The following AGTPBP1 variants were observed in gnomAD, a reference collection of about 807,000 sequenced individuals.
The protein encoded by AGTPBP1 is ATP/GTP binding carboxypeptidase 1, also known as cytosolic carboxypeptidase 1.
A neutral mutation model predicts 143.9 loss-of-function variants in AGTPBP1; 70 were observed. The observed-to-expected ratio is 0.49, with a 90% CI of 0.40 to 0.59. The LOEUF (loss-of-function observed/expected upper bound fraction) is 0.59, where lower values mean the gene tolerates loss of function less well. Among genes scored for constraint, AGTPBP1 ranks in the 20% least tolerant of loss-of-function variants. The pLI is 0.00. For synonymous variants in AGTPBP1, 463 were observed against 500.2 expected (o/e 0.93, Z 0.99); for missense variants, 1,229 against 1,464.5 (o/e 0.84, Z 2.62).
chr9:85,631,710 A>T (rs912104049), intron 14 of AGTPBP1, among the ~76,000 whole-genome samples: 7 of 152,224 alleles, frequency 4.6e-5, no homozygotes, highest in African/African-American at 1.7e-4. Context: ...GTCTAAAGAG[A>T]ATCAAATACA....
upstream of AGTPBP1, chr9:85,742,024 G>C: frequency 4.2e-6 from 5 of 1,200,000 alleles, no homozygotes; most frequent in Non-Finnish European, 4.1e-6. Context: ...CTCCCAGCAC[G>C]CGCAGGGAGT....
At position 85,592,573 on chromosome 9, in the gene AGTPBP1, T is replaced by G; in HGVS notation, c.2555A>C (p.Tyr852Ser). 6.3e-7 allele frequency: 1 copy of G among 1,596,786 alleles called. No individual in the cohort carries two copies. Among genetic ancestry groups the G allele is most frequent in the South Asian group, 1.2e-5 (1 of 86,430 alleles). The change falls in exon 19 of 26, where the codon TAT becomes TCT. Residue 852 changes from tyrosine to serine, a missense_variant. Tyr to Ser is a moderately radical substitution (Grantham distance 144, BLOSUM62 -2). Around this residue, in one of 2 missense-constraint regions of AGTPBP1, gnomAD observed 486 missense variants for 652.3 expected, o/e 0.75. Coordinates refer to ENST00000357081, the MANE Select transcript of AGTPBP1 (RefSeq NM_001330701.2). ...TAGAGTTCTTACCTGTAAAGTTGAATACGTATATGGATAGTGATAAGCAAA... is the reference window on the plus strand; with the variant it reads ...TAGAGTTCTTACCTGTAAAGTTGAAGACGTATATGGATAGTGATAAGCAAA... ...CYFAYHYPYT[Y>S]STLQMHLQKL...
intron 1 of AGTPBP1, among the ~76,000 whole-genome samples, chr9:85,716,713 T>G (rs1053336224): frequency 2.6e-5 from 4 of 152,182 alleles, no homozygotes; most frequent in African/African-American, 9.7e-5. Flanking sequence ...CTACAGTCTA[T>G]TCTCAACACA....
the AGTPBP1 span, among the ~76,000 whole-genome samples, chr9:85,768,615 A>C: frequency 6.6e-6 from 1 of 152,214 alleles, no homozygotes; most frequent in African/African-American, 2.4e-5. Context: ...TTTAGTATTT[A>C]AGGGGTTTTT....
chr9:85,551,069 C>T (rs1314329544), intron 25 of AGTPBP1, among the ~76,000 whole-genome samples: 5 of 149,240 alleles, frequency 3.4e-5, no homozygotes, highest in African/African-American at 7.7e-5. Flanking sequence ...CCCCCTCTCG[C>T]CATGTGACAT....
chr9:85,738,940 C>T (rs1824018296), intron 1 of AGTPBP1, among the ~76,000 whole-genome samples: 1 of 151,888 alleles, frequency 6.6e-6, no homozygotes, highest in African/African-American at 2.4e-5. Context: ...TGGGCACTTA[C>T]TACATGCCAG....
intron 6 of AGTPBP1, 46 bp from the exon 7 acceptor site, chr9:85,672,727 TTTTAA>T: frequency 1.4e-6 from 2 of 1,434,340 alleles, no homozygotes; most frequent in Non-Finnish European, 1.9e-6. Flanking sequence ...CAACTTTTCT[TTTTAA>T]TTTTTTTTTT....
At chr9:85,764,084 A>G in the AGTPBP1 span, among the ~76,000 whole-genome samples, 4 of 152,166 alleles carry the variant, frequency 2.6e-5, no homozygotes, top group African/African-American at 9.7e-5. Context: ...ACAATGTAGA[A>G]TGTAAGCCAA....
At chr9:85,615,900 A>G (rs1275113419) in intron 17 of AGTPBP1, among the ~76,000 whole-genome samples, 1 of 152,032 alleles carries the variant, frequency 6.6e-6, no homozygotes, top group African/African-American at 2.4e-5. Flanking sequence ...ACTGTCTTAC[A>G]AAGAAAGGTT....
upstream of AGTPBP1, among the ~76,000 whole-genome samples, chr9:85,743,913 T>TTTC (rs564622885): frequency 1.0e-4 from 13 of 125,526 alleles, no homozygotes; most frequent in Non-Finnish European, 1.9e-4. Flanking sequence ...TCTTTTTCTT[T>TTTC]TTCTTTTTCT....
the AGTPBP1 span, among the ~76,000 whole-genome samples, chr9:85,786,904 G>T: frequency 6.6e-6 from 1 of 152,098 alleles, no homozygotes; most frequent in Non-Finnish European, 1.5e-5. Flanking sequence ...TATCAAGTAT[G>T]TATTACTATA....
At chr9:85,757,675 T>C in the AGTPBP1 span, among the ~76,000 whole-genome samples, 5 of 151,926 alleles carry the variant, frequency 3.3e-5, no homozygotes, top group Admixed American at 3.3e-4. Flanking sequence ...ATGGGCATTT[T>C]AGGAATGCTT....
Position 85,715,661 on chromosome 9 carries a change from A to C in AGTPBP1, c.-33-3095T>G, listed in dbSNP as rs545288770. ...TCAGTTCTCAACCCTGTTATCCTAAAGTAGGCCAGTGTATCCCTTACAGTT... is the reference window on the plus strand; with the variant it reads ...TCAGTTCTCAACCCTGTTATCCTAACGTAGGCCAGTGTATCCCTTACAGTT... On this transcript the variant is annotated intron_variant, in intron 1 of 25. Transcript: ENST00000357081. Among the ~76,000 whole-genome samples, 58 of 152,362 alleles carry C rather than the reference A, an allele frequency of 3.8e-4. No individual in the cohort carries two copies. In the South Asian group the frequency reaches 0.011, roughly 30 times the overall value.
chr9:85,805,467 C>G, the AGTPBP1 span: 1 of 151,910 alleles, frequency 6.6e-6, no homozygotes. Flanking sequence ...CGGCGCGAGC[C>G]TGCCCCCAGC....
chr9:85,734,189 G>A (rs1839078928), intron 1 of AGTPBP1, among the ~76,000 whole-genome samples: 1 of 152,104 alleles, frequency 6.6e-6, no homozygotes, highest in Non-Finnish European at 1.5e-5. Flanking sequence ...GGAGGCAGAG[G>A]TTGCAGTGAG....
intron 23 of AGTPBP1, among the ~76,000 whole-genome samples, chr9:85,583,991 A>G (rs949384060): frequency 2.0e-5 from 3 of 151,214 alleles, no homozygotes; most frequent in Non-Finnish European, 4.4e-5. Context: ...TGAGAAGTGA[A>G]GTATGATCCA....
At chr9:85,636,912 A>C (rs1382971126) in intron 13 of AGTPBP1, among the ~76,000 whole-genome samples, 1 of 152,170 alleles carries the variant, frequency 6.6e-6, no homozygotes, top group Non-Finnish European at 1.5e-5. Context: ...AAGCAAAAAA[A>C]GTATATGTTA....
At chr9:85,559,381 A>G (rs1169474620) in intron 25 of AGTPBP1, among the ~76,000 whole-genome samples, 1 of 152,138 alleles carries the variant, frequency 6.6e-6, no homozygotes, top group East Asian at 1.9e-4. Context: ...AACACAGAGG[A>G]TCTAACAAAA....
intron 17 of AGTPBP1, 52 bp downstream of exon 17, chr9:85,618,931 C>T: frequency 2.7e-6 from 4 of 1,486,902 alleles, no homozygotes; most frequent in South Asian, 1.4e-5. Context: ...ACTTCTTTTC[C>T]ACAGTTAAGA....
Sources: allele counts gnomAD v4.1 joint callset (sites outside exome capture counted in the v4.1 genomes callset), GRCh38; gene constraint gnomAD v4.1.1; regional missense constraint gnomAD v4.1.1; transcripts MANE v1.5; gene names NCBI Gene and HGNC (gene_info 2026-07-23, HGNC 2026-07-21).